The following RAG1 variants were observed in gnomAD, a reference collection of about 807,000 sequenced individuals.
RAG1 encodes the protein recombination activating 1, also known as V(D)J recombination-activating protein 1.
Under a neutral mutation model 62.7 loss-of-function variants are expected in RAG1, and 35 were observed. The observed-to-expected ratio is 0.56, with a 90% CI of 0.43 to 0.74. The LOEUF (loss-of-function observed/expected upper bound fraction) is 0.74, where lower values mean the gene tolerates loss of function less well. Ranked by LOEUF, RAG1 falls within the 30% of genes least tolerant of loss-of-function variation. RAG1 has a pLI of 0.00. For missense variants in RAG1, 1,169 were observed against 1,278.6 expected, an observed-to-expected ratio of 0.91 and a Z score of 1.31; for synonymous variants, 461 against 470.3, an observed-to-expected ratio of 0.98 and a Z score of 0.26.
intron 2 of RAG1, among the ~76,000 whole-genome samples, chr11:36,528,265 T>C (rs762071795): frequency 6.6e-6 from 1 of 151,976 alleles, no homozygotes; most frequent in African/African-American, 2.4e-5. Context: ...TCAGCAAATG[T>C]AAAAGAAAAG....
At chr11:36,538,115 T>A (rs1426265147), downstream of RAG1, among the ~76,000 whole-genome samples, 1 of 152,200 alleles carries the variant, frequency 6.6e-6, no homozygotes, top group Non-Finnish European at 1.5e-5. Flanking sequence ...TTTCTTCTGT[T>A]TTAGAAAAGC....
Position 36,577,232 on chromosome 11 carries a change from A to G in RAG1, c.*796A>G, listed in dbSNP as rs539723894. 6.0e-5 allele frequency: 10 copies of G among 167,036 alleles called. No homozygotes were observed. The highest frequency in any genetic ancestry group is 2.4e-4 in the African/African-American group (10 of 41,584). The allele number at this position is 167,036 out of a possible 1,614,324, so 10.3% of individuals were successfully genotyped here. A position where few individuals can be genotyped will look rare whatever the true frequency, so the allele number is the denominator to read the frequency against. ...TTTACTTAGCTATCAGAAGCCAAGT[A>G]TGATTCTTTATTTTTACTTTTTCAT... On this transcript the variant is annotated 3_prime_UTR_variant, in exon 2 of 2. Transcript: ENST00000299440.
chr11:36,573,793 G>T lies in RAG1; in HGVS notation c.489G>T (p.Val163=). The T allele has an allele frequency of 6.2e-7, 1 of 1,614,092 alleles. No homozygotes were observed. Among genetic ancestry groups the T allele is most frequent in the South Asian group, 1.1e-5 (1 of 91,078 alleles). ...TTGCCAAGGTTTTCCGGATCGATGT[G>T]AAGGCAGATGTTGACTCGATCCACC... is the stretch of plus-strand genomic sequence containing the variant. ...DLIAKVFRID[V]KADVDSIHPT... The change falls in exon 2 of 2, where the codon GTG becomes GTT. Residue 163 remains valine (V), a synonymous_variant. Coordinates refer to ENST00000299440, the MANE Select transcript of RAG1 (RefSeq NM_000448.3).
At chr11:36,533,734 G>A (rs990865275) in intron 2 of RAG1, among the ~76,000 whole-genome samples, 6 of 152,140 alleles carry the variant, frequency 3.9e-5, no homozygotes, top group Admixed American at 3.9e-4. Context: ...TCCTTGTTAA[G>A]TAGTATTCTG....
At position 36,574,564 on chromosome 11, in the gene RAG1, C is replaced by T. The variant is rs549588944; in HGVS notation, c.1260C>T (p.Ala420=). The part of the protein sequence containing the change: ...RLRELKLQVK[A]FADKEEGGDV... ...GGGAGCTCAAGCTGCAAGTCAAAGC[C>T]TTTGCTGACAAAGAAGAAGGTGGAG... is the stretch of plus-strand genomic sequence containing the variant. The change falls in exon 2 of 2, where the codon GCC becomes GCT. Residue 420 remains alanine (A), a synonymous_variant. Transcript: ENST00000299440. 1.9e-6 allele frequency: 3 copies of T among 1,614,240 alleles called. No individual in the cohort carries two copies. The highest frequency in any genetic ancestry group is 2.2e-5 in the South Asian group (2 of 91,086).
intron 1 of RAG1, among the ~76,000 whole-genome samples, chr11:36,517,616 C>A (rs1860013437): frequency 6.6e-6 from 1 of 152,192 alleles, no homozygotes; most frequent in African/African-American, 2.4e-5. Context: ...CAGACTCCTG[C>A]AATCTTTACC....
At chr11:36,526,124 G>A (rs1337140120) in intron 2 of RAG1, among the ~76,000 whole-genome samples, 2 of 152,150 alleles carry the variant, frequency 1.3e-5, no homozygotes, top group African/African-American at 2.4e-5. Flanking sequence ...TGGGGTACAT[G>A]TGCACAACGT....
chr11:36,539,244 C>T (rs1222719744), downstream of RAG1, among the ~76,000 whole-genome samples: 1 of 152,150 alleles, frequency 6.6e-6, no homozygotes, highest in East Asian at 1.9e-4. Flanking sequence ...TATGGAAGAA[C>T]ACAGCGAGAA....
chr11:36,562,154 T>C (rs989618324), intron 3 of RAG1, among the ~76,000 whole-genome samples: 5 of 152,194 alleles, frequency 3.3e-5, no homozygotes, highest in African/African-American at 1.2e-4. Flanking sequence ...ACTTATAGTT[T>C]TAACAAGATT....
chr11:36,558,982 T>C (rs1850544312), intron 3 of RAG1, among the ~76,000 whole-genome samples: 6 of 152,212 alleles, frequency 3.9e-5, no homozygotes, highest in Admixed American at 3.9e-4. Context: ...TTATTGCCCT[T>C]TGGCTTTCAG....
chr11:36,521,519 C>T (rs922595691), intron 2 of RAG1, among the ~76,000 whole-genome samples: 2 of 152,146 alleles, frequency 1.3e-5, no homozygotes, highest in African/African-American at 4.8e-5. Flanking sequence ...AATAAACCTC[C>T]TTCTTTTGTA....
At position 36,575,836 on chromosome 11, in the gene RAG1, G is replaced by T. The variant is rs749410483; in HGVS notation, c.2532G>T (p.Met844Ile). The change falls in exon 2 of 2, where the codon ATG becomes ATT. Residue 844 changes from methionine to isoleucine, a missense_variant. By Grantham distance (10) the Met-to-Ile change is conservative (BLOSUM62 1). Coordinates refer to ENST00000299440, the MANE Select transcript of RAG1 (RefSeq NM_000448.3). The surrounding 1 kb of genome is among the most constrained non-coding windows in gnomAD (Gnocchi z 4.1). Reference protein sequence around the residue: ...ATLDKHLRKKMNLKPIMRMNG... With the variant: ...ATLDKHLRKKINLKPIMRMNG... ...TGGACAAGCATCTCCGGAAGAAGAT[G>T]AACCTCAAACCAATCATGAGGATGA... 2 of 1,614,228 alleles carry T rather than the reference G, an allele frequency of 1.2e-6. No individual in the cohort carries two copies. The highest frequency in any genetic ancestry group is 3.3e-5 in the Admixed American group (2 of 60,036).
chr11:36,535,808 GT>G (rs1404764973), intron 2 of RAG1, among the ~76,000 whole-genome samples: 1 of 152,056 alleles, frequency 6.6e-6, no homozygotes, highest in Non-Finnish European at 1.5e-5. Flanking sequence ...TTACATAGTA[GT>G]GTGTTTTCTT....
downstream of RAG1, among the ~76,000 whole-genome samples, chr11:36,540,233 G>A (rs940562425): frequency 1.3e-5 from 2 of 152,124 alleles, no homozygotes; most frequent in African/African-American, 4.8e-5. Flanking sequence ...ATTGCCTGCT[G>A]TAATCTTCAA....
chr11:36,565,367 C>T (rs372447421), upstream of RAG1, among the ~76,000 whole-genome samples: 2 of 152,078 alleles, frequency 1.3e-5, 1 homozygote, highest in African/African-American at 4.8e-5. Context: ...GCAACCTGCT[C>T]AGGGGGGTTG....
intron 2 of RAG1, among the ~76,000 whole-genome samples, chr11:36,527,315 T>C (rs1237743910): frequency 1.3e-5 from 2 of 152,212 alleles, no homozygotes; most frequent in Non-Finnish European, 2.9e-5. Flanking sequence ...TAGCCAGTTT[T>C]CCCAGCACTA....
intron 3 of RAG1, among the ~76,000 whole-genome samples, chr11:36,549,656 A>G (rs967937225): frequency 6.6e-6 from 1 of 152,234 alleles, no homozygotes; most frequent in Non-Finnish European, 1.5e-5. Context: ...ACTCTTTTAC[A>G]TGGTTGGTGG....
At chr11:36,544,714 C>G (rs1850369008) in intron 3 of RAG1, among the ~76,000 whole-genome samples, 1 of 152,182 alleles carries the variant, frequency 6.6e-6, no homozygotes, top group Admixed American at 6.5e-5. Flanking sequence ...TCACCCAAAT[C>G]TCGTCTAGAA....
chr11:36,575,050 A>G lies in RAG1; in HGVS notation c.1746A>G (p.Arg582=), dbSNP rs773803196. 6.2e-7 allele frequency: 1 copy of G among 1,614,076 alleles called. No individual in the cohort carries two copies. Among genetic ancestry groups the G allele is most frequent in the South Asian group, 1.1e-5 (1 of 91,078 alleles). ...DMEEDILEGM[R]SQDLDDYLNG... is the part of the protein sequence containing the mutation. ...AAGAAGACATCTTGGAAGGCATGAG[A>G]TCCCAAGACCTTGATGATTACCTGA... Residue 582 remains arginine, a synonymous_variant, in exon 2 of 2, where the codon AGA becomes AGG. Transcript: ENST00000299440. This position sits in a 1 kb window ranked among gnomAD's most constrained non-coding sequence, Gnocchi z 4.1.
Sources: gnomAD v4.1 joint callset for allele counts (sites outside exome capture counted in the v4.1 genomes callset) on GRCh38, gnomAD v4.1.1 for gene constraint, Gnocchi (gnomAD v3.1) non-coding constraint, MANE v1.5 for transcripts, NCBI Gene and HGNC (gene_info 2026-07-23, HGNC 2026-07-21) for gene names.